The following LRRC7 variants were observed in gnomAD, a reference collection of about 807,000 sequenced individuals.
LRRC7 encodes leucine-rich repeat-containing protein 7.
In LRRC7, 23 loss-of-function variants were observed where a neutral mutation model predicts 175.7. That is an observed-to-expected ratio of 0.13 (90% CI 0.09 to 0.19). The LOEUF (loss-of-function observed/expected upper bound fraction) is 0.19. LRRC7 is among the 10% of genes least tolerant of loss of function. The pLI, the probability that LRRC7 is intolerant of heterozygous loss-of-function variation, is 1.00. For missense variants in LRRC7, 1,354 were observed against 1,904.7 expected (o/e 0.71, Z 5.38); for synonymous variants, 685 against 680.9 (o/e 1.01, Z -0.09).
At chr1:69,716,271 A>G (rs904093767) in intron 2 of LRRC7, 1 of 431,218 alleles carries the variant, frequency 2.3e-6, no homozygotes, top group Non-Finnish European at 4.2e-6. Flanking sequence ...CAGTAGTGTT[A>G]TGGGAATTTT....
Position 70,099,740 on chromosome 1 carries a change from C to T in LRRC7, c.4546-8012C>T, listed in dbSNP as rs371603759. On this transcript the variant is annotated intron_variant, in intron 25 of 26. Coordinates refer to ENST00000651989, the MANE Select transcript of LRRC7 (RefSeq NM_001370785.2). ...CCACAGCCTCCTACAGTTCCCACTCCTGTTTTTAATCATTTTTACTATTTT... is the reference window on the plus strand; with the variant it reads ...CCACAGCCTCCTACAGTTCCCACTCTTGTTTTTAATCATTTTTACTATTTT... Among the ~76,000 whole-genome samples the T allele has an allele frequency of 1.1e-3, 172 of 152,190 alleles. 2 individuals carry two copies. Among genetic ancestry groups the T allele is most frequent in the African/African-American group, 4.0e-3 (167 of 41,520 alleles).
In LRRC7 at chr1:70,039,228, C is replaced by T. The variant is rs1369594406; in HGVS notation, c.3404C>T (p.Ala1135Val). 6.2e-7 allele frequency: 1 copy of T among 1,613,704 alleles called. No individual in the cohort carries two copies. The highest frequency in any genetic ancestry group is 2.2e-5 in the East Asian group (1 of 44,874). ...TCTCAGCCATCTGTGAATGAGGATG[C>T]TGTGGTGAATGCCCAGTTCGCAAGC... The part of the protein sequence containing the change: ...SFSQPSVNED[A>V]VVNAQFASQG... The change falls in exon 21 of 27, where the codon GCT (alanine) becomes GTT (valine). Residue 1135 changes from alanine (A) to valine (V), a missense_variant. Physicochemically the swap from Ala to Val is moderately conservative, Grantham distance 64. Around this residue, in one of 4 missense-constraint regions of LRRC7, gnomAD observed 1,032 missense variants for 1,227.2 expected, o/e 0.84. Transcript: ENST00000651989.
At chr1:70,109,347 G>C (rs542263332) in intron 26 of LRRC7, among the ~76,000 whole-genome samples, 3 of 152,166 alleles carry the variant, frequency 2.0e-5, no homozygotes, top group African/African-American at 7.2e-5. Context: ...AAACTAATTA[G>C]CAAGATCACA....
chr1:69,686,318 A>G (rs185872630), intron 2 of LRRC7, among the ~76,000 whole-genome samples: 2 of 152,336 alleles, frequency 1.3e-5, no homozygotes, highest in African/African-American at 4.8e-5. Flanking sequence ...GGAAGTAAAG[A>G]ACAGTAGAAT....
At chr1:69,943,574 GT>G (rs1648962053) in intron 8 of LRRC7, among the ~76,000 whole-genome samples, 1 of 152,004 alleles carries the variant, frequency 6.6e-6, no homozygotes, top group African/African-American at 2.4e-5. Flanking sequence ...CTCTAAAAGG[GT>G]GAATTTTATG....
At chr1:70,052,585 T>C (rs916347340) in intron 22 of LRRC7, among the ~76,000 whole-genome samples, 1 of 152,096 alleles carries the variant, frequency 6.6e-6, no homozygotes, top group Non-Finnish European at 1.5e-5. Context: ...CAATACAACC[T>C]TATAAAATTT....
chr1:69,932,745 T>C (rs1445538758), intron 8 of LRRC7, among the ~76,000 whole-genome samples: 1 of 152,202 alleles, frequency 6.6e-6, no homozygotes, highest in Non-Finnish European at 1.5e-5. Context: ...CTCCATCCCC[T>C]GCTTTCCTCC....
Position 70,013,724 on chromosome 1 carries a change from G to A in LRRC7, c.1250+635G>A, listed in dbSNP as rs554895331. Among the ~76,000 whole-genome samples, 2 of 151,880 alleles carry A rather than the reference G, an allele frequency of 1.3e-5. 1 individual carries two copies. Among genetic ancestry groups the A allele is most frequent in the African/African-American group, 4.8e-5 (2 of 41,498 alleles). ...AGATAATTATCCTCAAATAGGAAAG[G>A]ATAAGAACAAATATTGACTAGAGAT... On this transcript the variant is annotated intron_variant, in intron 13 of 26. Coordinates refer to ENST00000651989, the MANE Select transcript of LRRC7 (RefSeq NM_001370785.2).
intron 4 of LRRC7, among the ~76,000 whole-genome samples, chr1:69,805,715 G>C (rs1286094832): frequency 6.6e-6 from 1 of 151,582 alleles, no homozygotes; most frequent in Non-Finnish European, 1.5e-5. Flanking sequence ...CAAAACCTAG[G>C]TTTTTTTATT....
chr1:69,777,441 T>G (rs952119461), intron 3 of LRRC7, among the ~76,000 whole-genome samples: 3 of 152,226 alleles, frequency 2.0e-5, no homozygotes, highest in Non-Finnish European at 2.9e-5. Context: ...CTTTTCTCTC[T>G]GGGTTATCAC....
At chr1:70,118,793 G>C (rs58471111) in intron 26 of LRRC7, among the ~76,000 whole-genome samples, 8,819 of 152,080 alleles carry the variant, frequency 0.058, 660 homozygotes, top group African/African-American at 0.18. Flanking sequence ...ATGAACAATG[G>C]GGGGTGGGAA....
chr1:70,064,130 C>G (rs886760029), intron 23 of LRRC7, among the ~76,000 whole-genome samples: 2 of 151,900 alleles, frequency 1.3e-5, no homozygotes, highest in African/African-American at 4.8e-5. Context: ...CACCAAAACC[C>G]CAGGACAGGA....
chr1:69,904,950 C>G (rs1413378274), intron 7 of LRRC7, among the ~76,000 whole-genome samples: 1 of 152,172 alleles, frequency 6.6e-6, no homozygotes, highest in East Asian at 1.9e-4. Context: ...CATTAATCCA[C>G]TGAAGATAAC....
intron 10 of LRRC7, among the ~76,000 whole-genome samples, chr1:69,994,105 G>A (rs915551890): frequency 2.6e-5 from 4 of 152,098 alleles, no homozygotes; most frequent in African/African-American, 9.7e-5. Context: ...CCGCTGCATT[G>A]CAATACTTCA....
intron 1 of LRRC7, among the ~76,000 whole-genome samples, chr1:69,647,374 C>T (rs1366241333): frequency 2.0e-5 from 3 of 152,128 alleles, no homozygotes; most frequent in Non-Finnish European, 4.4e-5. Flanking sequence ...TGCTTTCAAT[C>T]TTGAGTGCTA....
At chr1:69,846,838 G>A (rs930598128) in intron 7 of LRRC7, among the ~76,000 whole-genome samples, 1 of 151,922 alleles carries the variant, frequency 6.6e-6, no homozygotes, top group African/African-American at 2.4e-5. Context: ...AGATTGACAT[G>A]AGTTCTAGAT....
At position 69,589,010 on chromosome 1, in the gene LRRC7, C is replaced by T. The variant is rs868467148; in HGVS notation, c.2+20369C>T. Among the ~76,000 whole-genome samples, 476 of 74,476 alleles carry T rather than the reference C, an allele frequency of 6.4e-3. 2 individuals carry two copies. The highest frequency in any genetic ancestry group is 0.043 in the South Asian group (105 of 2,426). 48.9% of individuals were successfully genotyped at this position (74,476 alleles called of 152,430 possible). ...CTGTGTGTGTGTGTGTGTGTGTGTG[C>T]GTGCATGTGATGTAATATACATGTA... On this transcript the variant is annotated intron_variant, in intron 1 of 26. Coordinates refer to ENST00000651989, the MANE Select transcript of LRRC7 (RefSeq NM_001370785.2).
At chr1:69,712,298 A>G (rs938590938) in intron 2 of LRRC7, among the ~76,000 whole-genome samples, 5 of 152,064 alleles carry the variant, frequency 3.3e-5, no homozygotes, top group African/African-American at 9.7e-5. Flanking sequence ...TTAATTTTCT[A>G]AAGTATTTTA....
chr1:69,586,487 G>A (rs541794944), intron 1 of LRRC7, among the ~76,000 whole-genome samples: 2 of 152,142 alleles, frequency 1.3e-5, no homozygotes, highest in East Asian at 1.9e-4. Flanking sequence ...TGTGAGTTGG[G>A]GAGATTTTCA....
Sources: gnomAD v4.1 joint callset for allele counts (sites outside exome capture counted in the v4.1 genomes callset) on GRCh38, gnomAD v4.1.1 for gene constraint, gnomAD v4.1.1 regional missense constraint, MANE v1.5 for transcripts, NCBI Gene and HGNC (gene_info 2026-07-23, HGNC 2026-07-21) for gene names.